NRG3: variants seen among roughly 807,000 people sequenced by gnomAD.
NRG3 encodes the protein neuregulin 3, also known as pro-neuregulin-3, membrane-bound isoform.
Under a neutral mutation model 66.9 loss-of-function variants are expected in NRG3, and 31 were observed. That is an observed-to-expected ratio of 0.46 (90% CI 0.35 to 0.63). NRG3 has a LOEUF of 0.63. Ranked by LOEUF, NRG3 falls within the 20% of genes least tolerant of loss-of-function variation. The pLI is 0.00. For missense variants in NRG3, 910 were observed against 878.9 expected, an observed-to-expected ratio of 1.04 and a Z score of -0.45; for synonymous variants, 393 against 359.4, an observed-to-expected ratio of 1.09 and a Z score of -1.06.
rs539611581 is a variant in NRG3, at chr10:81,977,935, C to G, written c.823+101772C>G. Among the ~76,000 whole-genome samples, 4 of 152,134 alleles carry G rather than the reference C, an allele frequency of 2.6e-5. No homozygotes were observed. In the East Asian group the frequency reaches 7.7e-4, roughly 29 times the overall value. On this transcript the variant is annotated intron_variant, in intron 1 of 8. Coordinates refer to ENST00000372141, the MANE Select transcript of NRG3 (RefSeq NM_001010848.4). ...TAATAATTGTACATTTTGTGGGGCA[C>G]ATAGTGATGTTTTGATGTTTTGATA... is the stretch of plus-strand genomic sequence containing the variant.
At chr10:82,523,955 G>A (rs892129596) in intron 2 of NRG3, among the ~76,000 whole-genome samples, 7 of 152,008 alleles carry the variant, frequency 4.6e-5, no homozygotes, top group Admixed American at 1.3e-4. Flanking sequence ...AACAGGTACT[G>A]AGAAAGAAGA....
chr10:82,019,574 T>G (rs1481121973), intron 1 of NRG3, among the ~76,000 whole-genome samples: 1 of 152,168 alleles, frequency 6.6e-6, no homozygotes, highest in Non-Finnish European at 1.5e-5. Context: ...TCCTGGAATT[T>G]TTTTGGTTGG....
intron 1 of NRG3, among the ~76,000 whole-genome samples, chr10:82,152,767 CT>C (rs539172847): frequency 3.7e-4 from 56 of 151,178 alleles, no homozygotes; most frequent in Admixed American, 2.8e-3. Flanking sequence ...TCCTTCCTGC[CT>C]TCCTTCTTCT....
At chr10:81,958,562 A>C (rs1419168800) in intron 1 of NRG3, among the ~76,000 whole-genome samples, 1 of 152,140 alleles carries the variant, frequency 6.6e-6, no homozygotes, top group Non-Finnish European at 1.5e-5. Flanking sequence ...GAGGAGTGAA[A>C]AAATTTTACT....
At chr10:82,849,371 C>T (rs997729861) in intron 3 of NRG3, among the ~76,000 whole-genome samples, 6 of 152,168 alleles carry the variant, frequency 3.9e-5, no homozygotes, top group South Asian at 4.1e-4. Flanking sequence ...AGAGAGGATA[C>T]GTTACTTCTC....
At chr10:82,536,651 T>A (rs1009482412) in intron 2 of NRG3, among the ~76,000 whole-genome samples, 1 of 129,832 alleles carries the variant, frequency 7.7e-6, no homozygotes, top group Non-Finnish European at 1.6e-5. Flanking sequence ...TGTGCTTAAT[T>A]CCCAGCCAAG....
At chr10:82,799,909 T>A (rs2060966012) in intron 3 of NRG3, 1 of 152,102 alleles carries the variant, frequency 6.6e-6, no homozygotes, top group Non-Finnish European at 1.5e-5. Flanking sequence ...TTTCTGTGAA[T>A]CCCTTTGACT....
At chr10:82,732,508 T>G (rs1258878664) in intron 2 of NRG3, among the ~76,000 whole-genome samples, 1 of 152,040 alleles carries the variant, frequency 6.6e-6, no homozygotes, top group Non-Finnish European at 1.5e-5. Context: ...CACAGCTGAG[T>G]TTGTATGTAG....
intron 1 of NRG3, among the ~76,000 whole-genome samples, chr10:82,084,342 A>C (rs1256164418): frequency 6.6e-6 from 1 of 151,632 alleles, no homozygotes; most frequent in Admixed American, 6.6e-5. Flanking sequence ...TTAGAGTCCT[A>C]AAATTTATAC....
rs112525267 is a variant in NRG3 at position 82,300,322 on chromosome 10, G to C, written c.824-58417G>C. The stretch of plus-strand genomic sequence containing the variant: ...ATTAATGATCATTGTTGAAGCTAAA[G>C]TGATTAATAGATGATGGTTTCTTAT... On this transcript the variant is annotated intron_variant, in intron 1 of 8. Transcript: ENST00000372141. Among the ~76,000 whole-genome samples the C allele has an allele frequency of 9.5e-3, 1,440 of 152,240 alleles. 16 individuals are homozygous for C. Among genetic ancestry groups the C allele is most frequent in the African/African-American group, 0.032 (1,329 of 41,550 alleles).
intron 1 of NRG3, among the ~76,000 whole-genome samples, chr10:82,020,075 A>G (rs1245479136): frequency 6.6e-6 from 1 of 152,058 alleles, no homozygotes. Context: ...GTGGGCATTT[A>G]CTGCTATAAA....
At chr10:82,176,277 T>C (rs1317949136) in intron 1 of NRG3, among the ~76,000 whole-genome samples, 1 of 152,152 alleles carries the variant, frequency 6.6e-6, no homozygotes, top group African/African-American at 2.4e-5. Context: ...TAACTTCTGG[T>C]GTTCTTAGTC....
At chr10:82,154,455 T>G (rs919882321) in intron 1 of NRG3, among the ~76,000 whole-genome samples, 1 of 151,984 alleles carries the variant, frequency 6.6e-6, no homozygotes, top group African/African-American at 2.4e-5. Flanking sequence ...GCCAGTACCA[T>G]GATGTGTGTG....
At chr10:82,019,119 T>C (rs1225367981) in intron 1 of NRG3, among the ~76,000 whole-genome samples, 3 of 152,218 alleles carry the variant, frequency 2.0e-5, no homozygotes, top group African/African-American at 7.2e-5. Flanking sequence ...CATCAATACC[T>C]AATTTATTGA....
chr10:82,118,921 C>T (rs145195950), intron 1 of NRG3, among the ~76,000 whole-genome samples: 15 of 152,226 alleles, frequency 9.9e-5, no homozygotes, highest in African/African-American at 3.1e-4. Context: ...CTGGCCTGTC[C>T]GCAGAACATT....
intron 4 of NRG3, among the ~76,000 whole-genome samples, chr10:82,879,434 A>T (rs1426570826): frequency 1.3e-5 from 2 of 151,262 alleles, no homozygotes; most frequent in Admixed American, 1.3e-4. Context: ...CTTAAGCAGT[A>T]GCATATAAAA....
chr10:81,969,257 A>G (rs2059840032), intron 1 of NRG3, among the ~76,000 whole-genome samples: 1 of 152,218 alleles, frequency 6.6e-6, no homozygotes, highest in South Asian at 2.1e-4. Context: ...GGCCTGAAAC[A>G]TAGAAGGAAC....
chr10:82,814,696 T>C (rs2061632118), intron 3 of NRG3, among the ~76,000 whole-genome samples: 1 of 152,240 alleles, frequency 6.6e-6, no homozygotes, highest in East Asian at 1.9e-4. Context: ...TCTTTTATTT[T>C]CATTTTATAA....
intron 1 of NRG3, among the ~76,000 whole-genome samples, chr10:81,924,772 G>A (rs1056861609): frequency 2.0e-5 from 3 of 152,190 alleles, no homozygotes; most frequent in Admixed American, 2.0e-4. Flanking sequence ...AAGAAGGTCG[G>A]TCACTGGAGG....
Sources: gnomAD v4.1 joint callset for allele counts (sites outside exome capture counted in the v4.1 genomes callset) on GRCh38, gnomAD v4.1.1 for gene constraint, MANE v1.5 for transcripts, NCBI Gene and HGNC (gene_info 2026-07-23, HGNC 2026-07-21) for gene names.